PEX7: variants seen among roughly 807,000 people sequenced by gnomAD.
PEX7 encodes the protein peroxisomal biogenesis factor 7, also known as PTS2 receptor.
A neutral mutation model predicts 47.5 loss-of-function variants in PEX7; 34 were observed. The ratio of observed to expected loss-of-function variants is 0.72; its 90% CI spans 0.54 to 0.95. The LOEUF (loss-of-function observed/expected upper bound fraction) is 0.95, where lower values mean the gene tolerates loss of function less well. Ranked by LOEUF, PEX7 falls within the 40% of genes least tolerant of loss-of-function variation. PEX7 has a pLI of 0.00. For missense variants in PEX7, 394 were observed against 400.3 expected (o/e 0.98, Z 0.13); for synonymous variants, 141 against 148.8 (o/e 0.95, Z 0.38).
At chr6:136,855,108 G>A (rs903535103) in intron 5 of PEX7, among the ~76,000 whole-genome samples, 5 of 151,374 alleles carry the variant, frequency 3.3e-5, no homozygotes, top group Non-Finnish European at 7.4e-5. Flanking sequence ...AGGAACTGAA[G>A]CATGCTTCTG....
intron 3 of PEX7, among the ~76,000 whole-genome samples, chr6:136,830,700 T>TTAAA (rs1293313678): frequency 6.6e-6 from 1 of 152,204 alleles, no homozygotes; most frequent in Non-Finnish European, 1.5e-5. Flanking sequence ...GCTTTCTGAC[T>TTAAA]TAAAACACTG....
intron 5 of PEX7, among the ~76,000 whole-genome samples, chr6:136,853,963 T>C (rs1215031602): frequency 6.6e-6 from 1 of 152,152 alleles, no homozygotes; most frequent in Non-Finnish European, 1.5e-5. Flanking sequence ...GAATTAAATC[T>C]TTTCTAATAT....
At position 136,866,751 on chromosome 6, in the gene PEX7, A is replaced by G; in HGVS notation, c.633+18A>G. 6.4e-7 allele frequency: 1 copy of G among 1,565,876 alleles called. No homozygotes were observed. The highest frequency in any genetic ancestry group is 1.1e-5 in the South Asian group (1 of 90,066). ...ACAATGAGGTATAGTGTATGGCTCT[A>G]TCCTATGCTGCTGTCCTTCCTAATG... On this transcript the variant is annotated intron_variant, in intron 6 of 9. Coordinates refer to ENST00000318471, the MANE Select transcript of PEX7 (RefSeq NM_000288.4).
intron 9 of PEX7, among the ~76,000 whole-genome samples, chr6:136,904,787 G>A (rs1414386837): frequency 6.6e-6 from 1 of 152,046 alleles, no homozygotes; most frequent in African/African-American, 2.4e-5. Flanking sequence ...TTTATCAGCA[G>A]CGTGAAAATG....
chr6:136,913,689 T>G lies in PEX7; in HGVS notation c.*163T>G. 1 of 659,066 alleles carries G rather than the reference T, an allele frequency of 1.5e-6. No homozygotes were observed. 40.8% of individuals were successfully genotyped at this position (659,066 alleles called of 1,614,324 possible). A position where few individuals can be genotyped will look rare whatever the true frequency, so the allele number is the denominator to read the frequency against. On this transcript the variant is annotated 3_prime_UTR_variant, in exon 10 of 10. Coordinates refer to ENST00000318471, the MANE Select transcript of PEX7 (RefSeq NM_000288.4). ...CAGTTTTGAGGGAGCTGATAAAGAC[T>G]TTAGCTGACTCGTTAAGCCTGATAC...
rs936175997 is a variant in PEX7 at position 136,898,205 on chromosome 6, T to C, written c.867T>C (p.Thr289=). The C allele has an allele frequency of 3.7e-5, 59 of 1,612,180 alleles. No individual in the cohort carries two copies. The highest frequency in any genetic ancestry group is 4.6e-5 in the Non-Finnish European group (54 of 1,178,374). The change falls in exon 9 of 10, where the codon ACT becomes ACC. Residue 289 remains threonine (T), a synonymous_variant. Coordinates refer to ENST00000318471, the MANE Select transcript of PEX7 (RefSeq NM_000288.4). Reference sequence around the variant, plus strand: ...CAGTGGAGCATCATACAGAGTTTACTTGTGGTTTAGACTTCAGTCTTCAGA... The same window carrying C: ...CAGTGGAGCATCATACAGAGTTTACCTGTGGTTTAGACTTCAGTCTTCAGA... ...LETVEHHTEF[T]CGLDFSLQSP...
Position 136,846,135 on chromosome 6 carries a change from C to G in PEX7, c.480C>G (p.Ser160Arg). 3 of 1,613,480 alleles carry G rather than the reference C, an allele frequency of 1.9e-6. No individual in the cohort carries two copies. The highest frequency in any genetic ancestry group is 3.3e-4 in the Middle Eastern group (2 of 6,058). ...TFRGHESIIYSTIWSPHIPGC... is the reference protein window; with the variant it reads ...TFRGHESIIYRTIWSPHIPGC... ...GAGGCCATGAAAGTATTATTTATAG[C>G]ACAATCTGGTCTCCCCACATCCCTG... The change falls in exon 5 of 10, where the codon AGC (serine) becomes AGG (arginine). Residue 160 changes from serine to arginine, a missense_variant. By Grantham distance (110) the Ser-to-Arg change is moderately radical. Transcript: ENST00000318471.
At chr6:136,826,831 G>A (rs545662285) in intron 3 of PEX7, among the ~76,000 whole-genome samples, 2 of 152,244 alleles carry the variant, frequency 1.3e-5, no homozygotes, top group South Asian at 4.1e-4. Context: ...GACATCACAA[G>A]ATTGCCTTTG....
chr6:136,903,253 C>T (rs1022651118), intron 9 of PEX7, among the ~76,000 whole-genome samples: 1 of 152,096 alleles, frequency 6.6e-6, no homozygotes, highest in Admixed American at 6.5e-5. Flanking sequence ...TGAACCCCTC[C>T]TTCCCAGTGG....
intron 3 of PEX7, among the ~76,000 whole-genome samples, chr6:136,835,062 C>T (rs1173151017): frequency 6.6e-6 from 1 of 151,914 alleles, no homozygotes; most frequent in Non-Finnish European, 1.5e-5. Flanking sequence ...GCCTCACTCT[C>T]CCAAGTATCT....
intron 7 of PEX7, chr6:136,870,849 A>G: frequency 3.8e-6 from 1 of 265,698 alleles, no homozygotes; most frequent in Non-Finnish European, 7.6e-6. Flanking sequence ...GGTGTGCACC[A>G]CCATGCCCGG....
chr6:136,894,848 G>A (rs555516642), intron 8 of PEX7, among the ~76,000 whole-genome samples: 3 of 152,296 alleles, frequency 2.0e-5, no homozygotes, highest in Non-Finnish European at 2.9e-5. Context: ...AGACAAAAAG[G>A]CACCAAGTAG....
chr6:136,905,305 A>G (rs993783547), intron 9 of PEX7, among the ~76,000 whole-genome samples: 3 of 152,094 alleles, frequency 2.0e-5, no homozygotes, highest in Admixed American at 6.5e-5. Context: ...TAGATCTTCA[A>G]TCGGTTCTTC....
intron 8 of PEX7, among the ~76,000 whole-genome samples, chr6:136,887,411 C>G (rs891107137): frequency 2.0e-5 from 3 of 152,042 alleles, no homozygotes; most frequent in African/African-American, 7.2e-5. Context: ...GAGCCTGGCC[C>G]ATATCTGGCA....
At chr6:136,910,450 G>A (rs1400125493) in intron 9 of PEX7, among the ~76,000 whole-genome samples, 1 of 152,204 alleles carries the variant, frequency 6.6e-6, no homozygotes, top group African/African-American at 2.4e-5. Flanking sequence ...TTAAAGGGAA[G>A]CGATCAGTAA....
intron 9 of PEX7, among the ~76,000 whole-genome samples, chr6:136,903,111 T>G (rs1369195770): frequency 6.6e-6 from 1 of 152,128 alleles, no homozygotes; most frequent in Admixed American, 6.5e-5. Context: ...AAATGTAAAT[T>G]TATATTTTAA....
intron 5 of PEX7, among the ~76,000 whole-genome samples, chr6:136,852,924 C>T (rs1774785699): frequency 8.2e-6 from 1 of 121,408 alleles, no homozygotes; most frequent in Non-Finnish European, 1.7e-5. Context: ...TACAAGGCTA[C>T]AGTAACCAAA....
chr6:136,840,900 C>T (rs1049443528), intron 3 of PEX7, among the ~76,000 whole-genome samples: 6 of 152,122 alleles, frequency 3.9e-5, no homozygotes, highest in African/African-American at 1.4e-4. Context: ...AGAGGTCTTT[C>T]CTGGCCATTT....
At chr6:136,823,349 G>A (rs1774120497) in intron 1 of PEX7, 1 of 985,430 alleles carries the variant, frequency 1.0e-6, no homozygotes, top group African/African-American at 1.7e-5. Flanking sequence ...CTTACCTGTA[G>A]TTGTCTAACG....
Sources: allele counts gnomAD v4.1 joint callset (sites outside exome capture counted in the v4.1 genomes callset), GRCh38; gene constraint gnomAD v4.1.1; transcripts MANE v1.5; gene names NCBI Gene and HGNC (gene_info 2026-07-23, HGNC 2026-07-21).